The following RIPK4 variants were observed in gnomAD, a reference collection of about 807,000 sequenced individuals.
RIPK4 encodes the protein receptor interacting serine/threonine kinase 4, also known as receptor-interacting serine/threonine-protein kinase 4.
A neutral mutation model predicts 42.9 loss-of-function variants in RIPK4; 17 were observed. That is an observed-to-expected ratio of 0.40 (90% CI 0.27 to 0.59). The LOEUF is 0.59. RIPK4 is among the 20% of genes least tolerant of loss of function. The pLI, the probability that RIPK4 is intolerant of heterozygous loss-of-function variation, is 0.47. For missense variants in RIPK4, 897 were observed against 1,104.4 expected (o/e 0.81, Z 2.66); for synonymous variants, 498 against 499.1 (o/e 1.00, Z 0.03).
Position 41,741,285 on chromosome 21 carries a change from C to T in RIPK4, c.1908G>A (p.Leu636=), listed in dbSNP as rs1362572181. The part of the protein sequence containing the change: ...LCSDVNVCSL[L]AQTPLHVAAE... The stretch of plus-strand genomic sequence containing the variant: ...CGGCCACGTGCAGGGGTGTCTGTGC[C>T]AGCAGGCTGCAGACGTTGACGTCGG... The change falls in exon 8 of 8, where the codon CTG becomes CTA. Residue 636 remains leucine (L), a synonymous_variant. Coordinates refer to ENST00000332512, the MANE Select transcript of RIPK4 (RefSeq NM_020639.3). 2 of 1,608,208 alleles carry T rather than the reference C, an allele frequency of 1.2e-6. No homozygotes were observed. Among genetic ancestry groups the T allele is most frequent in the Admixed American group, 3.3e-5 (2 of 60,000 alleles).
intron 6 of RIPK4, among the ~76,000 whole-genome samples, chr21:41,745,202 C>G (rs1455836334): frequency 6.6e-6 from 1 of 152,294 alleles, no homozygotes; most frequent in South Asian, 2.1e-4. Flanking sequence ...TGAGCTCACA[C>G]CAACAGCCTG....
chr21:41,741,372 T>C lies in RIPK4; in HGVS notation c.1821A>G (p.Pro607=), dbSNP rs1349220976. The C allele has an allele frequency of 6.2e-7, 1 of 1,612,160 alleles. No homozygotes were observed. The highest frequency in any genetic ancestry group is 1.6e-4 in the Middle Eastern group (1 of 6,062). ...GCCCGCGCTGTGCGGCCAGGTGCAA[T>C]GGCGTCCTCCCATCCAGCGTCTGGG... ...VNAQTLDGRT[P]LHLAAQRGHY... is the part of the protein sequence containing the mutation. The change falls in exon 8 of 8, where the codon CCA becomes CCG. Residue 607 remains proline (P), a synonymous_variant. Coordinates refer to ENST00000332512, the MANE Select transcript of RIPK4 (RefSeq NM_020639.3).
At chr21:41,758,022 ATAT>A (rs1261634563) in intron 1 of RIPK4, among the ~76,000 whole-genome samples, 3 of 59,214 alleles carry the variant, frequency 5.1e-5, no homozygotes, top group Non-Finnish European at 8.8e-5. Context: ...AAAAAAAAAA[ATAT>A]ATATATATAT....
Position 41,740,336 on chromosome 21 carries a change from A to C in RIPK4, c.*502T>G. On this transcript the variant is annotated 3_prime_UTR_variant, in exon 8 of 8. Transcript: ENST00000332512. Reference sequence around the variant, plus strand: ...GAACATTTTTAACAGGTTTCAAGCAACAGCTGATAAGGTATTCATCTCTTA... The same window carrying C: ...GAACATTTTTAACAGGTTTCAAGCACCAGCTGATAAGGTATTCATCTCTTA... 2.6e-5 allele frequency: 4 copies of C among 153,818 alleles called. No homozygotes were observed. The highest frequency in any genetic ancestry group is 5.8e-5 in the Non-Finnish European group (4 of 69,184). The allele number at this position is 153,818 out of a possible 1,614,324, so 9.5% of individuals were successfully genotyped here.
intron 2 of RIPK4, among the ~76,000 whole-genome samples, chr21:41,753,066 G>A (rs2061193122): frequency 6.6e-6 from 1 of 152,114 alleles, no homozygotes; most frequent in African/African-American, 2.4e-5. Context: ...CCCCTGTATG[G>A]TTGAATGTAG....
rs1471304239 is a variant in RIPK4 at position 41,741,408 on chromosome 21, C to T, written c.1785G>A (p.Val595=). 5 of 1,612,836 alleles carry T rather than the reference C, an allele frequency of 3.1e-6. No homozygotes were observed. The highest frequency in any genetic ancestry group is 4.2e-6 in the Non-Finnish European group (5 of 1,179,932). The change falls in exon 8 of 8, where the codon GTG becomes GTA. Residue 595 remains valine, a synonymous_variant. Coordinates refer to ENST00000332512, the MANE Select transcript of RIPK4 (RefSeq NM_020639.3). Reference sequence around the variant, plus strand: ...CATCCAGCGTCTGGGCGTTCACACTCACCCCCGGCTGCTTGGCCAGCAGCT... The same window carrying T: ...CATCCAGCGTCTGGGCGTTCACACTTACCCCCGGCTGCTTGGCCAGCAGCT... ...IVKLLAKQPG[V]SVNAQTLDGR...
rs969591732 is a variant in RIPK4, at chr21:41,755,456, G to A, written c.474+1069C>T. ...GGGAGCGGCCGTGCGCATGCCATAC[G>A]AGCCACCGCTCCCGTCCCACCCAAG... On this transcript the variant is annotated intron_variant, in intron 2 of 7. Coordinates refer to ENST00000332512, the MANE Select transcript of RIPK4 (RefSeq NM_020639.3). This position sits in a 1 kb window ranked among gnomAD's most constrained non-coding sequence, Gnocchi z 4.2. Among the ~76,000 whole-genome samples the A allele has an allele frequency of 2.6e-5, 4 of 152,156 alleles. No homozygotes were observed. Among genetic ancestry groups the A allele is most frequent in the South Asian group, 2.1e-4 (1 of 4,832 alleles).
At chr21:41,747,826 C>T (rs1165411466) in intron 4 of RIPK4, among the ~76,000 whole-genome samples, 1 of 152,182 alleles carries the variant, frequency 6.6e-6, no homozygotes, top group Non-Finnish European at 1.5e-5. Context: ...TTCTCCTGCA[C>T]CTTGAACCCC....
At chr21:41,743,644 A>G (rs1046332771) in intron 7 of RIPK4, among the ~76,000 whole-genome samples, 5 of 152,258 alleles carry the variant, frequency 3.3e-5, no homozygotes, top group Admixed American at 2.0e-4. Flanking sequence ...GCACTGGCAC[A>G]GGCAAGACTG....
In RIPK4 at chr21:41,755,711, G is replaced by A. The variant is rs1178182765; in HGVS notation, c.474+814C>T. Among the ~76,000 whole-genome samples the A allele has an allele frequency of 3.3e-5, 5 of 152,134 alleles. No homozygotes were observed. Among genetic ancestry groups the A allele is most frequent in the Non-Finnish European group, 7.4e-5 (5 of 68,016 alleles). Reference sequence around the variant, plus strand: ...TCATGTGGACCAGCCTATCACCCTGGGCCTCCCAAGAGCATGTGAACATCA... The same window carrying A: ...TCATGTGGACCAGCCTATCACCCTGAGCCTCCCAAGAGCATGTGAACATCA... On this transcript the variant is annotated intron_variant, in intron 2 of 7. Transcript: ENST00000332512. The surrounding 1 kb of genome is among the most constrained non-coding windows in gnomAD (Gnocchi z 4.2).
intron 1 of RIPK4, among the ~76,000 whole-genome samples, chr21:41,766,597 G>C (rs1201277397): frequency 1.7e-4 from 24 of 137,800 alleles, no homozygotes; most frequent in Non-Finnish European, 4.4e-5. Context: ...AGGAGCCCCA[G>C]AGGAGCCCCA....
intron 1 of RIPK4, 58 bp from the exon 2 acceptor site, chr21:41,756,874 A>C: frequency 6.4e-7 from 1 of 1,561,384 alleles, no homozygotes; most frequent in Non-Finnish European, 8.7e-7. Flanking sequence ...CAAACATGGA[A>C]CAGCACCCTG....
In RIPK4 at chr21:41,746,899, C is replaced by T. The variant is rs905851485; in HGVS notation, c.674-128G>A. 5 of 1,027,558 alleles carry T rather than the reference C, an allele frequency of 4.9e-6. 1 individual carries two copies. The highest frequency in any genetic ancestry group is 4.4e-4 in the Middle Eastern group (2 of 4,550). The allele number at this position is 1,027,558 out of a possible 1,614,324, so 63.7% of individuals were successfully genotyped here. A position where few individuals can be genotyped will look rare whatever the true frequency, so the allele number is the denominator to read the frequency against. On this transcript the variant is annotated intron_variant, in intron 4 of 7. Transcript: ENST00000332512. The stretch of plus-strand genomic sequence containing the variant: ...TCCCCACACCACCCCAGGGAGACGG[C>T]TCCCCCACTCCGTTTCAAAGGCAGA...
At chr21:41,744,726 C>A (rs1463045565) in intron 6 of RIPK4, among the ~76,000 whole-genome samples, 3 of 152,138 alleles carry the variant, frequency 2.0e-5, no homozygotes, top group Non-Finnish European at 4.4e-5. Context: ...CTGGGCAGGA[C>A]CCCCACACGT....
rs147780326 is a variant in RIPK4 at position 41,752,177 on chromosome 21, G to C, written c.475-932C>G. ...AGTCATCAGCATTAATGGGACTCTT[G>C]ATCCAGGGGGAGTGCTGCTCTCAAC... On this transcript the variant is annotated intron_variant, in intron 2 of 7. Coordinates refer to ENST00000332512, the MANE Select transcript of RIPK4 (RefSeq NM_020639.3). Among the ~76,000 whole-genome samples the C allele has an allele frequency of 6.6e-3, 1,006 of 152,296 alleles. 7 individuals carry two copies. Among genetic ancestry groups the C allele is most frequent in the Middle Eastern group, 0.01 (3 of 294 alleles).
chr21:41,766,121 CG>C, intron 1 of RIPK4, among the ~76,000 whole-genome samples: 1 of 152,228 alleles, frequency 6.6e-6, no homozygotes, highest in East Asian at 1.9e-4. Context: ...CCTTCCCTAG[CG>C]GGTCGGTCTC....
At position 41,751,047 on chromosome 21, in the gene RIPK4, G is replaced by A; in HGVS notation, c.623+50C>T. On this transcript the variant is annotated intron_variant, in intron 3 of 7. Coordinates refer to ENST00000332512, the MANE Select transcript of RIPK4 (RefSeq NM_020639.3). The surrounding 1 kb of genome is among the most constrained non-coding windows in gnomAD (Gnocchi z 4.5). ...GCAGCTCAGGGCATGAAGCATTGAGGTTGAGAGCCCCTGGCACCCACAGGG... is the reference window on the plus strand; with the variant it reads ...GCAGCTCAGGGCATGAAGCATTGAGATTGAGAGCCCCTGGCACCCACAGGG... 6.3e-7 allele frequency: 1 copy of A among 1,588,806 alleles called. No individual in the cohort carries two copies.
chr21:41,764,223 A>C (rs2061229595), intron 1 of RIPK4, among the ~76,000 whole-genome samples: 1 of 152,160 alleles, frequency 6.6e-6, no homozygotes, highest in Non-Finnish European at 1.5e-5. Context: ...CTGCTCATCA[A>C]ACAAGCCCCG....
intron 1 of RIPK4, among the ~76,000 whole-genome samples, chr21:41,765,540 C>T (rs2061233401): frequency 6.7e-6 from 1 of 148,466 alleles, no homozygotes; most frequent in Non-Finnish European, 1.5e-5. Flanking sequence ...GAGGACAGGC[C>T]TCTCATCCAC....
Sources: gnomAD v4.1 joint callset for allele counts (sites outside exome capture counted in the v4.1 genomes callset) on GRCh38, gnomAD v4.1.1 for gene constraint, Gnocchi (gnomAD v3.1) non-coding constraint, MANE v1.5 for transcripts, NCBI Gene and HGNC (gene_info 2026-07-23, HGNC 2026-07-21) for gene names.